MBTPS1: variants seen among roughly 807,000 people sequenced by gnomAD.
MBTPS1 encodes the protein membrane-bound transcription factor site-1 protease.
In MBTPS1, 94 loss-of-function variants were observed where a neutral mutation model predicts 127.8. The ratio of observed to expected loss-of-function variants is 0.74; its 90% CI spans 0.62 to 0.87. The LOEUF (loss-of-function observed/expected upper bound fraction) is 0.87. Among genes scored for constraint, MBTPS1 ranks in the 40% least tolerant of loss-of-function variants. The pLI is 0.00. For synonymous variants in MBTPS1, 632 were observed against 509.4 expected (o/e 1.24, Z -3.24); for missense variants, 1,636 against 1,353.2 (o/e 1.21, Z -3.28).
At chr16:84,082,820 C>T (rs768871067) in intron 10 of MBTPS1, among the ~76,000 whole-genome samples, 1 of 152,174 alleles carries the variant, frequency 6.6e-6, no homozygotes, top group African/African-American at 2.4e-5. Flanking sequence ...AATCTTCCTC[C>T]TCTTCCTGCC....
At chr16:84,087,215 C>G in intron 9 of MBTPS1, 143 bp downstream of exon 9, 1 of 632,754 alleles carries the variant, frequency 1.6e-6, no homozygotes, top group Non-Finnish European at 2.8e-6. Flanking sequence ...GCTGGGCAGG[C>G]ACTCACAGCC....
chr16:84,101,887 T>A lies in MBTPS1; in HGVS notation c.-104A>T. On this transcript the variant is annotated 5_prime_UTR_variant, in exon 2 of 23. It removes the in-frame stop codon of an upstream open reading frame in the 5' UTR. Coordinates refer to ENST00000343411, the MANE Select transcript of MBTPS1 (RefSeq NM_003791.4). Reference sequence around the variant, plus strand: ...TTTCAGCTAAAAGCTGCAACATTACTAATCAGCCATCTTACAGTCTTGCCC... The same window carrying A: ...TTTCAGCTAAAAGCTGCAACATTACAAATCAGCCATCTTACAGTCTTGCCC... 1 of 1,096,102 alleles carries A rather than the reference T, an allele frequency of 9.1e-7. No homozygotes were observed. Among genetic ancestry groups the A allele is most frequent in the Non-Finnish European group, 1.4e-6 (1 of 740,682 alleles). The allele number at this position is 1,096,102 out of a possible 1,614,324, so 67.9% of individuals were successfully genotyped here.
chr16:84,112,919 G>A (rs1314188068), intron 1 of MBTPS1, among the ~76,000 whole-genome samples: 2 of 144,690 alleles, frequency 1.4e-5, no homozygotes, highest in East Asian at 2.0e-4. Context: ...AGGTTGCAGT[G>A]AGCTGAGATC....
At chr16:84,112,974 C>CAAAAA (rs71382895) in intron 1 of MBTPS1, among the ~76,000 whole-genome samples, 3 of 56,866 alleles carry the variant, frequency 5.3e-5, no homozygotes, top group Admixed American at 1.8e-4. Context: ...GATGCCATCT[C>CAAAAA]AAAAAAAAAA....
At chr16:84,100,000 G>C (rs1365057509) in intron 2 of MBTPS1, among the ~76,000 whole-genome samples, 2 of 152,212 alleles carry the variant, frequency 1.3e-5, no homozygotes, top group African/African-American at 4.8e-5. Context: ...TTCCAGAGTG[G>C]ATTATGTGAG....
At chr16:84,062,897 A>G (rs1213391106) in intron 19 of MBTPS1, among the ~76,000 whole-genome samples, 1 of 152,192 alleles carries the variant, frequency 6.6e-6, no homozygotes, top group African/African-American at 2.4e-5. Flanking sequence ...GCCCTCCAGT[A>G]AAAGAGTGAG....
Position 84,074,662 on chromosome 16 carries a change from T to G in MBTPS1, c.1528A>C (p.Met510Leu). 1 of 1,614,130 alleles carries G rather than the reference T, an allele frequency of 6.2e-7. No individual in the cohort carries two copies. Among genetic ancestry groups the G allele is most frequent in the South Asian group, 1.1e-5 (1 of 91,082 alleles). Reference protein sequence around the residue: ...YCSQPIYYGGMPTVVNVTILN... With the variant: ...YCSQPIYYGGLPTVVNVTILN... ...ATGGTGACATTAACAACTGTCGGCA[T>G]TCCTCCATAGTAGATGGGCTGGGAG... Residue 510 changes from methionine to leucine, a missense_variant, in exon 12 of 23, where the codon ATG (methionine) becomes CTG (leucine). By Grantham distance (15) the Met-to-Leu change is conservative. Coordinates refer to ENST00000343411, the MANE Select transcript of MBTPS1 (RefSeq NM_003791.4).
intron 18 of MBTPS1, 132 bp from the exon 19 acceptor site, chr16:84,063,577 T>A (rs2085644022): frequency 1.2e-6 from 1 of 847,710 alleles, no homozygotes; most frequent in Admixed American, 2.7e-5. Context: ...CATTGCAAAT[T>A]TTTAGAATAG....
intron 10 of MBTPS1, among the ~76,000 whole-genome samples, chr16:84,083,333 G>A (rs1212548567): frequency 6.6e-6 from 1 of 152,192 alleles, no homozygotes; most frequent in Non-Finnish European, 1.5e-5. Context: ...AGAGAAGACA[G>A]TGTTTCCAGC....
rs750185773 is a variant in MBTPS1, at chr16:84,060,728, C to A, written c.2658G>T (p.Gln886His). Reference sequence around the variant, plus strand: ...CTGAGCCTGCTCCACTGGGAGGGCGCTGGCGGTTCCCAGAGTGACTGAGGC... The same window carrying A: ...CTGAGCCTGCTCCACTGGGAGGGCGATGGCGGTTCCCAGAGTGACTGAGGC... ...PPSLSHSGNR[Q>H]RPPSGAGSVT... Residue 886 changes from glutamine to histidine, a missense_variant, in exon 20 of 23, where the codon CAG becomes CAT. By Grantham distance (24) the Gln-to-His change is conservative. Coordinates refer to ENST00000343411, the MANE Select transcript of MBTPS1 (RefSeq NM_003791.4). 38 of 1,613,546 alleles carry A rather than the reference C, an allele frequency of 2.4e-5. No homozygotes were observed. The highest frequency in any genetic ancestry group is 3.1e-5 in the Non-Finnish European group (37 of 1,179,854).
At chr16:84,115,172 CCGCCT>C (rs1193933675) in intron 1 of MBTPS1, among the ~76,000 whole-genome samples, 1 of 152,148 alleles carries the variant, frequency 6.6e-6, no homozygotes, top group African/African-American at 2.4e-5. Flanking sequence ...TGTGATCCGC[CCGCCT>C]CGGCCTCCCA....
At chr16:84,113,217 T>C (rs1000557505) in intron 1 of MBTPS1, among the ~76,000 whole-genome samples, 5 of 152,224 alleles carry the variant, frequency 3.3e-5, no homozygotes, top group African/African-American at 1.2e-4. Context: ...TCATTTGTAA[T>C]ATCACTTAAC....
At chr16:84,060,403 A>G in intron 20 of MBTPS1, 1 of 350,806 alleles carries the variant, frequency 2.9e-6, no homozygotes, top group Non-Finnish European at 5.4e-6. Flanking sequence ...CACCTGTGAG[A>G]GCGGGACGGT....
chr16:84,072,763 C>T (rs919329320), intron 12 of MBTPS1, among the ~76,000 whole-genome samples: 4 of 152,140 alleles, frequency 2.6e-5, no homozygotes, highest in Non-Finnish European at 2.9e-5. Context: ...GCACTCAAGC[C>T]TGGGAGAGAG....
chr16:84,100,339 G>A (rs1157346635), intron 2 of MBTPS1, among the ~76,000 whole-genome samples: 1 of 152,218 alleles, frequency 6.6e-6, no homozygotes, highest in Non-Finnish European at 1.5e-5. Context: ...GAGGTCAAGA[G>A]TGCAAGACCA....
intron 6 of MBTPS1, 107 bp downstream of exon 6, chr16:84,093,081 C>A (rs778077685): frequency 2.7e-5 from 21 of 777,270 alleles, no homozygotes; most frequent in Non-Finnish European, 3.9e-5. Flanking sequence ...AATGGCTCAG[C>A]GTCACTGACG....
chr16:84,099,431 G>T, intron 2 of MBTPS1, 121 bp from the exon 3 acceptor site: 1 of 983,332 alleles, frequency 1.0e-6, no homozygotes, highest in Non-Finnish European at 1.5e-6. Flanking sequence ...CAGCAGACGA[G>T]AGAAAACACA....
At chr16:84,097,298 A>C (rs1419158283) in intron 3 of MBTPS1, among the ~76,000 whole-genome samples, 4 of 151,986 alleles carry the variant, frequency 2.6e-5, no homozygotes, top group South Asian at 2.1e-4. Flanking sequence ...CATCTTGAAC[A>C]CTCTACTAAG....
intron 3 of MBTPS1, among the ~76,000 whole-genome samples, chr16:84,098,653 C>G (rs541986332): frequency 1.3e-5 from 2 of 152,004 alleles, no homozygotes; most frequent in Non-Finnish European, 2.9e-5. Flanking sequence ...AAAACACACA[C>G]TGAGAGAAGC....
Sources: gnomAD v4.1 joint callset for allele counts (sites outside exome capture counted in the v4.1 genomes callset) on GRCh38, gnomAD v4.1.1 for gene constraint, MANE v1.5 for transcripts, NCBI Gene and HGNC (gene_info 2026-07-23, HGNC 2026-07-21) for gene names.